Variants in DLG2 observed in about 807,000 individuals in gnomAD.
DLG2 encodes disks large homolog 2.
In DLG2, 45 loss-of-function variants were observed where a neutral mutation model predicts 132.5. That is an observed-to-expected ratio of 0.34 (90% confidence interval 0.27 to 0.44). The LOEUF is 0.44. Ranked by LOEUF, DLG2 falls within the 20% of genes least tolerant of loss-of-function variation. The pLI, the probability that DLG2 is intolerant of heterozygous loss-of-function variation, is 1.00. For missense variants in DLG2, 1,045 were observed against 1,196.9 expected (o/e 0.87, Z 1.87); for synonymous variants, 424 against 419.6 (o/e 1.01, Z -0.13).
chr11:85,477,760 A>G (rs1488051808), intron 3 of DLG2, among the ~76,000 whole-genome samples: 1 of 152,228 alleles, frequency 6.6e-6, no homozygotes, highest in African/African-American at 2.4e-5. Flanking sequence ...AACATGGAAG[A>G]TATTTCAAAC....
At chr11:83,687,513 TC>T (rs1486358096) in intron 18 of DLG2, among the ~76,000 whole-genome samples, 1 of 152,202 alleles carries the variant, frequency 6.6e-6, no homozygotes, top group Non-Finnish European at 1.5e-5. Context: ...AAAATGACCT[TC>T]TTTTATTATA....
At chr11:84,134,589 C>G (rs2094533203) in intron 9 of DLG2, among the ~76,000 whole-genome samples, 1 of 152,036 alleles carries the variant, frequency 6.6e-6, no homozygotes, top group African/African-American at 2.4e-5. Context: ...CAGCAGGGAA[C>G]TAGGTACAGT....
intron 18 of DLG2, among the ~76,000 whole-genome samples, chr11:83,765,127 T>G (rs1029169902): frequency 6.6e-6 from 1 of 152,260 alleles, no homozygotes; most frequent in Admixed American, 6.5e-5. Context: ...TGTTCTTTTT[T>G]GTCCTGGCAT....
chr11:83,998,423 C>T (rs193247490), intron 11 of DLG2, among the ~76,000 whole-genome samples: 4 of 151,904 alleles, frequency 2.6e-5, no homozygotes, highest in African/African-American at 9.7e-5. Flanking sequence ...CGTATAGTTC[C>T]CTGAAGAGAA....
chr11:83,948,778 G>C (rs2084707251), intron 14 of DLG2, among the ~76,000 whole-genome samples: 1 of 152,104 alleles, frequency 6.6e-6, no homozygotes, highest in Non-Finnish European at 1.5e-5. Flanking sequence ...TAACTGCTCT[G>C]TGCCTAGATT....
chr11:85,508,991 C>A (rs1226254503), intron 3 of DLG2, among the ~76,000 whole-genome samples: 1 of 152,012 alleles, frequency 6.6e-6, no homozygotes, highest in African/African-American at 2.4e-5. Flanking sequence ...TTAATTTATA[C>A]ATGCTGCAAC....
intron 3 of DLG2, among the ~76,000 whole-genome samples, chr11:85,406,166 A>G (rs1297328033): frequency 6.6e-6 from 1 of 151,888 alleles, no homozygotes; most frequent in Non-Finnish European, 1.5e-5. Context: ...CTGAATGAAA[A>G]GTTTATTCAG....
intron 4 of DLG2, among the ~76,000 whole-genome samples, chr11:85,194,235 TG>T (rs2080862162): frequency 1.3e-5 from 2 of 152,190 alleles, no homozygotes; most frequent in South Asian, 4.1e-4. Flanking sequence ...GTGGTAGCAG[TG>T]GGGACCGTGA....
At chr11:84,159,775 G>A (rs1310916597) in intron 9 of DLG2, among the ~76,000 whole-genome samples, 2 of 152,130 alleles carry the variant, frequency 1.3e-5, no homozygotes, top group African/African-American at 2.4e-5. Flanking sequence ...GGTTGTTGAG[G>A]CATGGGATGA....
chr11:84,552,122 T>A (rs1265913488), intron 6 of DLG2, among the ~76,000 whole-genome samples: 1 of 152,150 alleles, frequency 6.6e-6, no homozygotes, highest in Admixed American at 6.5e-5. Flanking sequence ...TTAGTACATT[T>A]TACCAAGTGA....
intron 6 of DLG2, among the ~76,000 whole-genome samples, chr11:84,841,330 A>C (rs896059311): frequency 6.6e-6 from 1 of 152,004 alleles, no homozygotes; most frequent in African/African-American, 2.4e-5. Context: ...AGAAATAAAA[A>C]ATAATAACAT....
In DLG2 at chr11:84,087,455, G is replaced by T. The variant is rs528709406; in HGVS notation, c.749+11468C>A. 3.3e-5 allele frequency among the ~76,000 whole-genome samples: 5 copies of T among 152,192 alleles called. No homozygotes were observed. The South Asian group carries it at 1.0e-3, about 32-fold the overall frequency. ...CATTGGCCATTTGCATATCTTATTTGAATAAATATATATTCAAATTTGTGG... is the reference window on the plus strand; with the variant it reads ...CATTGGCCATTTGCATATCTTATTTTAATAAATATATATTCAAATTTGTGG... On this transcript the variant is annotated intron_variant, in intron 10 of 27. Transcript: ENST00000376104.
At chr11:85,330,792 TAAAAAAA>T (rs56995757) in intron 3 of DLG2, among the ~76,000 whole-genome samples, 14 of 116,474 alleles carry the variant, frequency 1.2e-4, no homozygotes, top group East Asian at 5.1e-4. Context: ...AAAAAAAAAT[TAAAAAAA>T]AAAAAAAAAA....
chr11:83,696,311 C>G (rs1414885030), intron 18 of DLG2, among the ~76,000 whole-genome samples: 1 of 152,198 alleles, frequency 6.6e-6, no homozygotes, highest in African/African-American at 2.4e-5. Context: ...TTGGCACAAT[C>G]TCTTAACGTG....
intron 6 of DLG2, among the ~76,000 whole-genome samples, chr11:84,719,899 G>C (rs2061605002): frequency 6.6e-6 from 1 of 152,120 alleles, no homozygotes; most frequent in South Asian, 2.1e-4. Context: ...ACTCCTGCTA[G>C]TTAGCCCAGT....
intron 16 of DLG2, among the ~76,000 whole-genome samples, chr11:83,839,990 A>G (rs1374271881): frequency 6.6e-6 from 1 of 152,102 alleles, no homozygotes; most frequent in Non-Finnish European, 1.5e-5. Flanking sequence ...CTAAAATACA[A>G]ATCAGATCAC....
chr11:84,059,213 T>C (rs2096552658), intron 11 of DLG2, 102 bp downstream of exon 11: 11 of 1,168,796 alleles, frequency 9.4e-6, no homozygotes, highest in Admixed American at 4.3e-5. Flanking sequence ...TGGTAAGCAC[T>C]GAATGTCAGA....
intron 11 of DLG2, among the ~76,000 whole-genome samples, chr11:83,990,571 T>C (rs368300534): frequency 6.6e-6 from 1 of 152,114 alleles, no homozygotes; most frequent in East Asian, 1.9e-4. Context: ...GCAGCAGAGA[T>C]TGATACTGTG....
At chr11:85,511,270 C>A (rs2153157678) in intron 3 of DLG2, among the ~76,000 whole-genome samples, 2 of 151,768 alleles carry the variant, frequency 1.3e-5, no homozygotes, top group South Asian at 4.2e-4. Flanking sequence ...GTACCTAATG[C>A]TAAATGACGA....
Sources: gnomAD v4.1 joint callset for allele counts (sites outside exome capture counted in the v4.1 genomes callset) on GRCh38, gnomAD v4.1.1 for gene constraint, MANE v1.5 for transcripts, NCBI Gene and HGNC (gene_info 2026-07-23, HGNC 2026-07-21) for gene names.